Variants in NCAM2 observed in about 807,000 individuals in gnomAD.
The protein encoded by NCAM2 is neural cell adhesion molecule 2.
In NCAM2, 30 loss-of-function variants were observed where a neutral mutation model predicts 98.1. The observed-to-expected ratio is 0.31, with a 90% CI of 0.23 to 0.41. The LOEUF (loss-of-function observed/expected upper bound fraction) is 0.41. Among genes scored for constraint, NCAM2 ranks in the 10% least tolerant of loss-of-function variants. NCAM2 has a pLI of 1.00. For missense variants in NCAM2, 867 were observed against 1,005.8 expected, an observed-to-expected ratio of 0.86 and a Z score of 1.87; for synonymous variants, 368 against 342.4, an observed-to-expected ratio of 1.07 and a Z score of -0.83.
At position 21,131,520 on chromosome 21, in the gene NCAM2, G is replaced by A. The variant is rs192928870; in HGVS notation, c.55+132902G>A. Among the ~76,000 whole-genome samples, 1,165 of 152,272 alleles carry A rather than the reference G, an allele frequency of 7.7e-3. 16 individuals carry two copies. Among genetic ancestry groups the A allele is most frequent in the South Asian group, 0.04 (195 of 4,824 alleles). The stretch of plus-strand genomic sequence containing the variant: ...ACTCCCAACCTCAGGTGATCCACCC[G>A]CCTTGGCCTCCCAAAGTGTTGGGAT... On this transcript the variant is annotated intron_variant, in intron 1 of 17. Transcript: ENST00000400546.
At chr21:21,511,680 T>C (rs1988394386) in intron 16 of NCAM2, among the ~76,000 whole-genome samples, 1 of 152,040 alleles carries the variant, frequency 6.6e-6, no homozygotes, top group African/African-American at 2.4e-5. Flanking sequence ...CTGTCTTCCA[T>C]AGTGACAGTA....
chr21:21,254,109 C>A (rs909542108), intron 1 of NCAM2, among the ~76,000 whole-genome samples: 1 of 152,182 alleles, frequency 6.6e-6, no homozygotes, highest in African/African-American at 2.4e-5. Flanking sequence ...AAAATCAAGG[C>A]AGTAAATATT....
At chr21:21,438,734 C>T (rs1978771656) in intron 12 of NCAM2, among the ~76,000 whole-genome samples, 1 of 152,036 alleles carries the variant, frequency 6.6e-6, no homozygotes, top group Non-Finnish European at 1.5e-5. Context: ...ACTAATCTTA[C>T]AAACAGCTAC....
chr21:21,097,144 AACC>A (rs746617498), intron 1 of NCAM2, among the ~76,000 whole-genome samples: 16 of 151,794 alleles, frequency 1.1e-4, no homozygotes, highest in Admixed American at 2.0e-4. Flanking sequence ...GAGGTAAGGC[AACC>A]ACAGGCTTTC....
chr21:21,194,472 A>T (rs2068935850), intron 1 of NCAM2, among the ~76,000 whole-genome samples: 1 of 152,142 alleles, frequency 6.6e-6, no homozygotes, highest in African/African-American at 2.4e-5. Flanking sequence ...TGGACACAAA[A>T]TTTAACTAGT....
rs189444924 is a variant in NCAM2, at chr21:21,021,525, G to A, written c.55+22907G>A. ...AAGAATGAAATAGAAACAAACAGTAGGAGATAAAATTGAGTCAACGGTGAT... is the reference window on the plus strand; with the variant it reads ...AAGAATGAAATAGAAACAAACAGTAAGAGATAAAATTGAGTCAACGGTGAT... On this transcript the variant is annotated intron_variant, in intron 1 of 17. Coordinates refer to ENST00000400546, the MANE Select transcript of NCAM2 (RefSeq NM_004540.5). Among the ~76,000 whole-genome samples, 209 of 152,242 alleles carry A rather than the reference G, an allele frequency of 1.4e-3. 1 individual carries two copies. Among genetic ancestry groups the A allele is most frequent in the African/African-American group, 4.7e-3 (196 of 41,544 alleles).
chr21:21,212,672 TG>T (rs1205732233), intron 1 of NCAM2, among the ~76,000 whole-genome samples: 1 of 151,972 alleles, frequency 6.6e-6, no homozygotes, highest in East Asian at 1.9e-4. Flanking sequence ...GTGGAGGAAT[TG>T]GACAAAATGT....
intron 12 of NCAM2, among the ~76,000 whole-genome samples, chr21:21,441,594 A>G (rs920368178): frequency 1.3e-5 from 2 of 152,178 alleles, no homozygotes; most frequent in African/African-American, 4.8e-5. Context: ...GGTTTAAAAG[A>G]GCAATGGGGA....
At chr21:21,431,183 A>C (rs1602320185) in intron 11 of NCAM2, among the ~76,000 whole-genome samples, 2 of 137,942 alleles carry the variant, frequency 1.4e-5, no homozygotes, top group Admixed American at 1.4e-4. Flanking sequence ...AAAAAAAATT[A>C]TTTTTTTATC....
rs558213753 is a variant in NCAM2 at position 21,189,555 on chromosome 21, G to A, written c.56-91023G>A. On this transcript the variant is annotated intron_variant, in intron 1 of 17. Coordinates refer to ENST00000400546, the MANE Select transcript of NCAM2 (RefSeq NM_004540.5). Reference sequence around the variant, plus strand: ...AGCCAGGGTAACACAGCAAGACCTCGTCTCTATTTAAAAAATAAATAAAAA... The same window carrying A: ...AGCCAGGGTAACACAGCAAGACCTCATCTCTATTTAAAAAATAAATAAAAA... Among the ~76,000 whole-genome samples the A allele has an allele frequency of 8.5e-5, 13 of 152,102 alleles. No homozygotes were observed. In the East Asian group the frequency reaches 1.4e-3, roughly 16 times the overall value.
At chr21:21,297,006 A>G (rs1016521790) in intron 5 of NCAM2, among the ~76,000 whole-genome samples, 3 of 151,792 alleles carry the variant, frequency 2.0e-5, no homozygotes, top group African/African-American at 7.3e-5. Context: ...AGGTACACAT[A>G]TATTTTTTAA....
intron 8 of NCAM2, among the ~76,000 whole-genome samples, chr21:21,341,347 A>G (rs1024417924): frequency 6.6e-6 from 1 of 152,150 alleles, no homozygotes; most frequent in Non-Finnish European, 1.5e-5. Context: ...ATAGGAATGC[A>G]TATTAAATAA....
intron 8 of NCAM2, among the ~76,000 whole-genome samples, chr21:21,349,279 A>G (rs532866950): frequency 5.3e-5 from 8 of 152,178 alleles, no homozygotes; most frequent in Non-Finnish European, 1.0e-4. Flanking sequence ...ATTTGAATAC[A>G]CATTTACCAA....
chr21:21,287,520 C>G (rs1018812377), intron 4 of NCAM2, among the ~76,000 whole-genome samples: 47 of 151,946 alleles, frequency 3.1e-4, no homozygotes, highest in African/African-American at 1.1e-3. Flanking sequence ...GTATTTTTAG[C>G]TCTTTTCCCC....
At position 21,397,342 on chromosome 21, in the gene NCAM2, G is replaced by C. The variant is rs530415342; in HGVS notation, c.1196-12932G>C. Among the ~76,000 whole-genome samples, 228 of 152,298 alleles carry C rather than the reference G, an allele frequency of 1.5e-3. 5 individuals are homozygous for C. The highest frequency in any genetic ancestry group is 0.013 in the Admixed American group (194 of 15,302). On this transcript the variant is annotated intron_variant, in intron 9 of 17. Transcript: ENST00000400546. ...CCCAGAAGGCTGTCTGCCTCCTGCT[G>C]CCATCAACATGTTGTATATGGCCCC... is the stretch of plus-strand genomic sequence containing the variant.
chr21:21,524,644 A>T (rs1350437223), intron 16 of NCAM2, among the ~76,000 whole-genome samples: 1 of 152,116 alleles, frequency 6.6e-6, no homozygotes, highest in African/African-American at 2.4e-5. Flanking sequence ...GACGTTGCTT[A>T]ACCAATCAAG....
At chr21:21,120,005 T>A (rs1247070209) in intron 1 of NCAM2, among the ~76,000 whole-genome samples, 1 of 152,212 alleles carries the variant, frequency 6.6e-6, no homozygotes, top group African/African-American at 2.4e-5. Flanking sequence ...CTCCATTACC[T>A]CAGTGCTTGA....
At chr21:21,163,457 A>C (rs2067853603) in intron 1 of NCAM2, among the ~76,000 whole-genome samples, 1 of 152,142 alleles carries the variant, frequency 6.6e-6, no homozygotes, top group Non-Finnish European at 1.5e-5. Context: ...TCCCTCTTGA[A>C]AACATTTTCG....
intron 1 of NCAM2, among the ~76,000 whole-genome samples, chr21:21,272,886 A>G (rs1014447424): frequency 6.8e-6 from 1 of 147,988 alleles, no homozygotes; most frequent in African/African-American, 2.5e-5. Context: ...TATTTAATGT[A>G]TTAGCAAATA....
Sources: gnomAD v4.1 joint callset for allele counts (sites outside exome capture counted in the v4.1 genomes callset) on GRCh38, gnomAD v4.1.1 for gene constraint, MANE v1.5 for transcripts, NCBI Gene and HGNC (gene_info 2026-07-23, HGNC 2026-07-21) for gene names.